LYPLAL1: variants seen among roughly 807,000 people sequenced by gnomAD.
The protein encoded by LYPLAL1 is lysophospholipase-like protein 1.
A neutral mutation model predicts 19.7 loss-of-function variants in LYPLAL1; 23 were observed. That is an observed-to-expected ratio of 1.17 (90% CI 0.84 to 1.65). LYPLAL1 has a LOEUF of 1.65. Among genes scored for constraint, LYPLAL1 ranks in the 40% most tolerant of loss-of-function variants. The pLI, the probability that LYPLAL1 is intolerant of heterozygous loss-of-function variation, is 0.00. For missense variants in LYPLAL1, 355 were observed against 279.4 expected, an observed-to-expected ratio of 1.27 and a Z score of -1.93; for synonymous variants, 119 against 96.3, an observed-to-expected ratio of 1.24 and a Z score of -1.38.
chr1:219,379,497 A>G, the LYPLAL1 span, among the ~76,000 whole-genome samples: 1 of 152,198 alleles, frequency 6.6e-6, no homozygotes, highest in African/African-American at 2.4e-5. Flanking sequence ...TAGAGTTTTT[A>G]CTACTTTGAA....
the LYPLAL1 span, among the ~76,000 whole-genome samples, chr1:219,314,954 A>G: frequency 2.0e-5 from 3 of 152,018 alleles, no homozygotes; most frequent in African/African-American, 7.3e-5. Context: ...GAATAATAGA[A>G]TAATAACTAT....
chr1:219,273,512 ACAGGTG>A, the LYPLAL1 span: 2 of 152,228 alleles, frequency 1.3e-5, no homozygotes, highest in African/African-American at 4.8e-5. Flanking sequence ...GAGTCAATTT[ACAGGTG>A]TGATAGAATT....
the LYPLAL1 span, among the ~76,000 whole-genome samples, chr1:219,356,424 C>T: frequency 1.6e-4 from 25 of 152,190 alleles, no homozygotes; most frequent in African/African-American, 5.3e-4. Context: ...CGCTTGAACC[C>T]GGGAGGCGGA....
At chr1:219,179,834 T>C (rs1656126831) in intron 2 of LYPLAL1, among the ~76,000 whole-genome samples, 1 of 152,232 alleles carries the variant, frequency 6.6e-6, no homozygotes, top group Non-Finnish European at 1.5e-5. Context: ...AACTACTCTT[T>C]GTAAATATTA....
the LYPLAL1 span, among the ~76,000 whole-genome samples, chr1:219,341,548 T>C: frequency 8.8e-4 from 134 of 152,232 alleles, 1 homozygote; most frequent in African/African-American, 3.0e-3. Flanking sequence ...ATTAGACAGT[T>C]GGGTAATGTA....
intron 2 of LYPLAL1, among the ~76,000 whole-genome samples, chr1:219,183,191 G>A (rs1312696775): frequency 1.3e-5 from 2 of 151,880 alleles, no homozygotes; most frequent in Non-Finnish European, 2.9e-5. Context: ...TACTAATGAT[G>A]TTGCACACTG....
the LYPLAL1 span, among the ~76,000 whole-genome samples, chr1:219,365,715 T>G: frequency 6.6e-6 from 1 of 152,096 alleles, no homozygotes; most frequent in Non-Finnish European, 1.5e-5. Flanking sequence ...ATCATATAAG[T>G]CAGAAGCACA....
the LYPLAL1 span, among the ~76,000 whole-genome samples, chr1:219,405,956 T>C: frequency 1.3e-5 from 2 of 152,194 alleles, no homozygotes; most frequent in South Asian, 2.1e-4. Flanking sequence ...AGCTGAAAGT[T>C]GGAATGCCTT....
rs928588091 is a variant in LYPLAL1 at position 219,208,142 on chromosome 1, G to A, written c.362-2390G>A. On this transcript the variant is annotated intron_variant, in intron 3 of 4. Coordinates refer to ENST00000366928, the MANE Select transcript of LYPLAL1 (RefSeq NM_138794.5). ...AAGAGATGAAGGAAGTGAGTGTTTG[G>A]TAAGCTCTATTCTGTGAACTTTTAG... Among the ~76,000 whole-genome samples, 11 of 152,154 alleles carry A rather than the reference G, an allele frequency of 7.2e-5. No individual in the cohort carries two copies. In the East Asian group the frequency reaches 1.9e-3, roughly 27 times the overall value.
chr1:219,330,043 A>G, the LYPLAL1 span, among the ~76,000 whole-genome samples: 22 of 152,184 alleles, frequency 1.4e-4, no homozygotes, highest in African/African-American at 5.3e-4. Context: ...ATGGGCTTAC[A>G]GATCTCTCAG....
At chr1:219,395,164 G>T in the LYPLAL1 span, among the ~76,000 whole-genome samples, 1 of 152,130 alleles carries the variant, frequency 6.6e-6, no homozygotes, top group Non-Finnish European at 1.5e-5. Flanking sequence ...TGGGTCAAAT[G>T]GTAGTTTTGT....
the LYPLAL1 span, among the ~76,000 whole-genome samples, chr1:219,353,517 A>G: frequency 2.0e-5 from 3 of 152,240 alleles, no homozygotes; most frequent in African/African-American, 7.2e-5. Flanking sequence ...TAGAACATCA[A>G]AGGCATTTGA....
the LYPLAL1 span, among the ~76,000 whole-genome samples, chr1:219,229,670 TG>T: frequency 6.6e-6 from 1 of 152,190 alleles, no homozygotes; most frequent in Admixed American, 6.5e-5. Flanking sequence ...GGGCTTCAGC[TG>T]TAAGTATTCA....
the LYPLAL1 span, among the ~76,000 whole-genome samples, chr1:219,305,914 A>G: frequency 3.3e-5 from 5 of 152,206 alleles, no homozygotes; most frequent in Non-Finnish European, 5.9e-5. Flanking sequence ...GCGGTATTTT[A>G]TGATTTAACC....
chr1:219,249,199 C>T, the LYPLAL1 span, among the ~76,000 whole-genome samples: 1 of 151,992 alleles, frequency 6.6e-6, no homozygotes, highest in African/African-American at 2.4e-5. Flanking sequence ...TCCACTATCA[C>T]AAGTCTCCCG....
the LYPLAL1 span, among the ~76,000 whole-genome samples, chr1:219,253,555 T>C: frequency 6.6e-6 from 1 of 151,968 alleles, no homozygotes; most frequent in Non-Finnish European, 1.5e-5. Flanking sequence ...TTCCAGAGCA[T>C]GCTGTTTAGT....
chr1:219,225,392 G>A, the LYPLAL1 span: 1 of 152,088 alleles, frequency 6.6e-6, no homozygotes, highest in Non-Finnish European at 1.5e-5. Flanking sequence ...GTTCATCCTG[G>A]AACCTGCTTC....
At chr1:219,325,311 A>G in the LYPLAL1 span, among the ~76,000 whole-genome samples, 2 of 152,254 alleles carry the variant, frequency 1.3e-5, no homozygotes, top group African/African-American at 4.8e-5. Flanking sequence ...CTCACTCCCT[A>G]TACCCACCCC....
chr1:219,189,919 T>C (rs1360488556), intron 2 of LYPLAL1, among the ~76,000 whole-genome samples: 1 of 151,618 alleles, frequency 6.6e-6, no homozygotes, highest in East Asian at 1.9e-4. Flanking sequence ...AGGACAAGTA[T>C]GAAAACACAG....
Sources: allele counts gnomAD v4.1 joint callset (sites outside exome capture counted in the v4.1 genomes callset), GRCh38; gene constraint gnomAD v4.1.1; transcripts MANE v1.5; gene names NCBI Gene and HGNC (gene_info 2026-07-23, HGNC 2026-07-21).